Variants in SAGE1 observed in about 807,000 individuals in gnomAD.
SAGE1 encodes cancer/testis antigen 14.
Under a neutral mutation model 55.4 loss-of-function variants are expected in SAGE1, and 55 were observed. That is an observed-to-expected ratio of 0.99 (90% CI 0.80 to 1.24). The LOEUF (loss-of-function observed/expected upper bound fraction) is 1.24, where lower values mean the gene tolerates loss of function less well. SAGE1 is among the 50% of genes most tolerant of loss of function. The pLI, the probability that SAGE1 is intolerant of heterozygous loss-of-function variation, is 0.00. For missense variants in SAGE1, 710 were observed against 704.4 expected (o/e 1.01, Z -0.09); for synonymous variants, 240 against 244.3 (o/e 0.98, Z 0.17).
At chrX:135,904,992 A>G (rs1569521256) in intron 4 of SAGE1, among the ~76,000 whole-genome samples, 3 of 111,651 alleles carry the variant, frequency 2.7e-5, no homozygotes, top group Admixed American at 9.5e-5. Flanking sequence ...AGCGATGAGT[A>G]CCAGGGATCT....
intron 3 of SAGE1, among the ~76,000 whole-genome samples, chrX:135,903,141 C>A (rs1252787434): frequency 7.2e-5 from 8 of 111,676 alleles, no homozygotes; most frequent in African/African-American, 2.6e-4. Flanking sequence ...CTGACCTTCA[C>A]CTCTGTAGTG....
chrX:135,901,036 G>A (rs1474461055), intron 2 of SAGE1, among the ~76,000 whole-genome samples: 2 of 106,379 alleles, frequency 1.9e-5, no homozygotes, highest in Non-Finnish European at 3.9e-5. Context: ...CCAGGAACTC[G>A]GGAAGCTGAG....
chrX:135,901,367 T>A (rs1418855929), intron 2 of SAGE1, among the ~76,000 whole-genome samples, 192 bp from the exon 3 acceptor site: 2 of 111,033 alleles, frequency 1.8e-5, no homozygotes, highest in Non-Finnish European at 3.8e-5. Flanking sequence ...TTCCCTTGTT[T>A]CACTGAGACT....
rs1556598905 is a variant in SAGE1 at position 135,904,555 on chromosome X, C to A, written c.299C>A (p.Ala100Asp). 3.4e-6 allele frequency: 4 copies of A among 1,182,845 alleles called. No homozygotes were observed. The Admixed American group carries it at 8.8e-5, about 26-fold the overall frequency. Residue 100 changes from alanine to aspartate, a missense_variant, in exon 4 of 20, where the codon GCT (alanine) becomes GAT (aspartate). By Grantham distance (126) the Ala-to-Asp change is moderately radical. Transcript: ENST00000370709. ...GTAGCTGATAATGTCTTGTCAACTGCTCCACCATGGCCTGGTAATATGGCA... is the reference window on the plus strand; with the variant it reads ...GTAGCTGATAATGTCTTGTCAACTGATCCACCATGGCCTGGTAATATGGCA... ...QPVADNVLST[A>D]PPWPDATIAH...
At chrX:135,907,192 C>A (rs1249509468) in intron 8 of SAGE1, 121 bp from the exon 9 acceptor site, 17 of 1,039,965 alleles carry the variant, frequency 1.6e-5, no homozygotes, top group Non-Finnish European at 2.2e-5. Context: ...CTCAGATCAC[C>A]ACCTGTCATG....
chrX:135,897,231 A>G (rs1476649009), intron 2 of SAGE1, among the ~76,000 whole-genome samples: 1 of 112,204 alleles, frequency 8.9e-6, no homozygotes, highest in African/African-American at 3.2e-5. Flanking sequence ...TGTGTTGTGT[A>G]TGAGAGAGAC....
intron 9 of SAGE1, 53 bp from the exon 10 acceptor site, chrX:135,907,648 G>T (rs1369037712): frequency 8.5e-7 from 1 of 1,170,462 alleles, no homozygotes; most frequent in East Asian, 3.0e-5. Flanking sequence ...TATACCTGTA[G>T]GGCTGACATA....
chrX:135,905,517 C>A, intron 5 of SAGE1, 125 bp downstream of exon 5: 1 of 611,803 alleles, frequency 1.6e-6, no homozygotes, highest in Non-Finnish European at 2.5e-6. Flanking sequence ...TCTCAGATGG[C>A]CACCTGGCAA....
rs1037989538 is a variant in SAGE1 at position 135,912,206 on chromosome X, C to T, written c.2522-115C>T. The T allele has an allele frequency of 6.4e-6, 7 of 1,098,567 alleles. No homozygotes were observed. In the African/African-American group the frequency reaches 1.3e-4, roughly 21 times the overall value. The allele number at this position is 1,098,567 out of a possible 1,213,427, so 90.5% of individuals were successfully genotyped here. A position where few individuals can be genotyped will look rare whatever the true frequency, so the allele number is the denominator to read the frequency against. ...TCGTGATTTAAGCATTCAAAACAAG[C>T]ACTATGTAACATTGTAGCCCATGAA... On this transcript the variant is annotated intron_variant, in intron 18 of 19. Transcript: ENST00000370709.
At chrX:135,894,206 G>A (rs1291901968) in intron 1 of SAGE1, among the ~76,000 whole-genome samples, 1 of 112,048 alleles carries the variant, frequency 8.9e-6, no homozygotes, top group African/African-American at 3.2e-5. Context: ...CCAAATAGCT[G>A]GGATTACAGG....
intron 2 of SAGE1, among the ~76,000 whole-genome samples, chrX:135,900,706 C>T (rs2088660397): frequency 9.0e-6 from 1 of 111,173 alleles, no homozygotes; most frequent in African/African-American, 3.3e-5. Context: ...GCTCGCCCTA[C>T]CCCTACCTGA....
chrX:135,900,855 C>T (rs1556596097), intron 2 of SAGE1, among the ~76,000 whole-genome samples: 2 of 110,719 alleles, frequency 1.8e-5, no homozygotes, highest in African/African-American at 6.6e-5. Flanking sequence ...AACTTTAAAG[C>T]ACTAAAAGAG....
At chrX:135,911,419 T>A in intron 17 of SAGE1, 87 bp downstream of exon 17, 1 of 1,039,001 alleles carries the variant, frequency 9.6e-7, no homozygotes, top group South Asian at 2.1e-5. Context: ...TTTTGTTGTA[T>A]TATCTTACTC....
chrX:135,900,631 G>T (rs1556595986), intron 2 of SAGE1, among the ~76,000 whole-genome samples: 2 of 110,807 alleles, frequency 1.8e-5, no homozygotes, highest in Admixed American at 9.7e-5. Flanking sequence ...GATGAAAACA[G>T]CTTTTAGTTA....
Position 135,907,013 on chromosome X carries a change from G to A in SAGE1, c.824G>A (p.Gly275Glu). The A allele has an allele frequency of 8.3e-7, 1 of 1,210,251 alleles. No homozygotes were observed. Among genetic ancestry groups the A allele is most frequent in the South Asian group, 1.8e-5 (1 of 56,850 alleles). ...AACATCTTGTCAACTGCTTCAACAG[G>A]GCTTATTAATGTGGCAGGAGCTGGT... is the stretch of plus-strand genomic sequence containing the variant. ...PDNILSTAST[G>E]LINVAGAGTP... The change falls in exon 8 of 20, where the codon GGG becomes GAG. Residue 275 changes from glycine to glutamate, a missense_variant. Physicochemically the swap from Gly to Glu is moderately conservative, Grantham distance 98. Coordinates refer to ENST00000370709, the MANE Select transcript of SAGE1 (RefSeq NM_001381902.1).
chrX:135,900,398 T>G (rs1384452692), intron 2 of SAGE1, among the ~76,000 whole-genome samples: 1 of 111,745 alleles, frequency 8.9e-6, no homozygotes, highest in South Asian at 3.8e-4. Flanking sequence ...AGTTTTCCAG[T>G]ATTTTATTGA....
chrX:135,898,019 T>C (rs1374662756), intron 2 of SAGE1, among the ~76,000 whole-genome samples: 1 of 111,556 alleles, frequency 9.0e-6, no homozygotes, highest in African/African-American at 3.3e-5. Context: ...TCCTTTTTTA[T>C]TTTTTTTCTT....
intron 2 of SAGE1, among the ~76,000 whole-genome samples, chrX:135,900,116 A>G (rs2088649313): frequency 9.0e-6 from 1 of 110,793 alleles, no homozygotes. Flanking sequence ...TCAGTATGAT[A>G]TTGGCTGTGG....
intron 10 of SAGE1, 80 bp from the exon 11 acceptor site, chrX:135,908,009 G>A: frequency 9.0e-7 from 1 of 1,106,519 alleles, no homozygotes; most frequent in Non-Finnish European, 1.2e-6. Context: ...TTCCTAGATA[G>A]TGAGCATCAG....
Sources: gnomAD v4.1 joint callset for allele counts (sites outside exome capture counted in the v4.1 genomes callset) on GRCh38, gnomAD v4.1.1 for gene constraint, MANE v1.5 for transcripts, NCBI Gene and HGNC (gene_info 2026-07-23, HGNC 2026-07-21) for gene names.